Variants in PELI1 observed in about 807,000 individuals in gnomAD.
The protein encoded by PELI1 is E3 ubiquitin-protein ligase pellino homolog 1.
Under a neutral mutation model 41.3 loss-of-function variants are expected in PELI1, and 15 were observed. The observed-to-expected ratio is 0.36, with a 90% CI of 0.24 to 0.56. The LOEUF is 0.56. Among genes scored for constraint, PELI1 ranks in the 20% least tolerant of loss-of-function variants. The pLI is 0.82. For missense variants in PELI1, 403 were observed against 525.5 expected, an observed-to-expected ratio of 0.77 and a Z score of 2.28; for synonymous variants, 178 against 180.1, an observed-to-expected ratio of 0.99 and a Z score of 0.09.
chr2:64,110,787 C>T (rs531369220), intron 1 of PELI1, among the ~76,000 whole-genome samples: 5 of 152,052 alleles, frequency 3.3e-5, no homozygotes, highest in South Asian at 2.1e-4. Flanking sequence ...ATTAGCAGGG[C>T]GTGGTGGCAC....
chr2:64,114,413 A>G (rs1680922522), intron 1 of PELI1, among the ~76,000 whole-genome samples: 2 of 152,182 alleles, frequency 1.3e-5, no homozygotes, highest in Non-Finnish European at 2.9e-5. Flanking sequence ...ACATAAAAGG[A>G]GAAATAATGG....
intron 2 of PELI1, among the ~76,000 whole-genome samples, chr2:64,106,556 T>C (rs1576077154): frequency 6.6e-6 from 1 of 152,370 alleles, no homozygotes; most frequent in East Asian, 1.9e-4. Context: ...GAAGTTCTAA[T>C]ACTGTAGTTA....
chr2:64,120,166 A>G (rs1681160151), intron 1 of PELI1, among the ~76,000 whole-genome samples: 1 of 152,216 alleles, frequency 6.6e-6, no homozygotes, highest in Non-Finnish European at 1.5e-5. Flanking sequence ...GGGATTGGAC[A>G]AGCTTAATCA....
chr2:64,143,722 C>T (rs1350744948), intron 1 of PELI1, among the ~76,000 whole-genome samples: 1 of 152,162 alleles, frequency 6.6e-6, no homozygotes, highest in Non-Finnish European at 1.5e-5. Flanking sequence ...AAACCCACCG[C>T]CCCTTTTGTT....
Position 64,108,383 on chromosome 2 carries a change from G to T in PELI1, c.-69-4C>A. The T allele has an allele frequency of 1.2e-6, 1 of 857,492 alleles. No homozygotes were observed. 53.1% of individuals were successfully genotyped at this position (857,492 alleles called of 1,614,324 possible). On this transcript the variant is annotated splice_polypyrimidine_tract_variant and splice_region_variant and intron_variant, in intron 1 of 6. Transcript: ENST00000358912. ...GGGACACCTTTTGCATTATTTCCTA[G>T]AGGGGAAAAGTTTTCATTAATAATG...
intron 1 of PELI1, among the ~76,000 whole-genome samples, chr2:64,126,931 TAAATA>T (rs1321489036): frequency 2.0e-5 from 3 of 152,162 alleles, no homozygotes; most frequent in Non-Finnish European, 2.9e-5. Context: ...GGTTAGGAGA[TAAATA>T]AAAAGTAAGT....
At chr2:64,109,918 CAT>C (rs1165201680) in intron 1 of PELI1, among the ~76,000 whole-genome samples, 1 of 152,034 alleles carries the variant, frequency 6.6e-6, no homozygotes, top group Non-Finnish European at 1.5e-5. Flanking sequence ...ACTGGACACA[CAT>C]GTCAAAAAGA....
intron 3 of PELI1, among the ~76,000 whole-genome samples, chr2:64,102,491 G>A (rs1680477926): frequency 6.6e-6 from 1 of 152,168 alleles, no homozygotes; most frequent in African/African-American, 2.4e-5. Context: ...TCCTGCCTCT[G>A]CCTCCCAAGG....
chr2:64,107,410 G>A (rs979663626), intron 2 of PELI1, among the ~76,000 whole-genome samples: 6 of 152,160 alleles, frequency 3.9e-5, no homozygotes, highest in Non-Finnish European at 5.9e-5. Flanking sequence ...ATGAAATTAC[G>A]TTAGGAGCTA....
rs1680388780 is a variant in PELI1 at position 64,100,469 on chromosome 2, A to G, written c.232T>C (p.Ser78Pro). The change falls in exon 4 of 7, where the codon TCA (serine) becomes CCA (proline). Residue 78 changes from serine to proline, a missense_variant. Ser to Pro is a moderately conservative substitution (Grantham distance 74, BLOSUM62 -1). Coordinates refer to ENST00000358912, the MANE Select transcript of PELI1 (RefSeq NM_020651.4). Reference sequence around the variant, plus strand: ...GTCTGGGCCCGAGATAAAGTATATGATATGCTATGCTGGTCTTTGTTGCTT... The same window carrying G: ...GTCTGGGCCCGAGATAAAGTATATGGTATGCTATGCTGGTCTTTGTTGCTT... ...AISNKDQHSI[S>P]YTLSRAQTVV... is the part of the protein sequence containing the mutation. 6.3e-7 allele frequency: 1 copy of G among 1,585,882 alleles called. No homozygotes were observed.
At chr2:64,107,298 T>G (rs909081832) in intron 2 of PELI1, among the ~76,000 whole-genome samples, 2 of 152,200 alleles carry the variant, frequency 1.3e-5, no homozygotes, top group Non-Finnish European at 2.9e-5. Context: ...GTCTCCATTT[T>G]GATAGTTAAT....
At chr2:64,095,529 T>C (rs1317154033) in intron 6 of PELI1, among the ~76,000 whole-genome samples, 4 of 152,224 alleles carry the variant, frequency 2.6e-5, no homozygotes, top group Admixed American at 2.0e-4. Flanking sequence ...AAGTCTAATA[T>C]TTTTAATGAG....
chr2:64,124,999 C>T (rs746219902), intron 1 of PELI1, among the ~76,000 whole-genome samples: 3 of 142,916 alleles, frequency 2.1e-5, no homozygotes, highest in Non-Finnish European at 4.5e-5. Context: ...CAAGAAAACA[C>T]TTCTTTTATG....
intron 1 of PELI1, among the ~76,000 whole-genome samples, chr2:64,139,974 A>G (rs974248483): frequency 2.0e-5 from 3 of 152,186 alleles, no homozygotes; most frequent in African/African-American, 7.2e-5. Flanking sequence ...TGCACCTTGT[A>G]TGTTGAAATT....
rs1261845927 is a variant in PELI1 at position 64,093,804 on chromosome 2, A to G, written c.*898T>C. 1 of 152,596 alleles carries G rather than the reference A, an allele frequency of 6.6e-6. No individual in the cohort carries two copies. The highest frequency in any genetic ancestry group is 1.5e-5 in the Non-Finnish European group (1 of 68,016). 9.5% of individuals were successfully genotyped at this position (152,596 alleles called of 1,614,324 possible). ...ATTTATACTTTTTCTTATGGCAATG[A>G]TTTTTTTCTAGAAACAGTGAACAGA... On this transcript the variant is annotated 3_prime_UTR_variant, in exon 7 of 7. Coordinates refer to ENST00000358912, the MANE Select transcript of PELI1 (RefSeq NM_020651.4).
intron 2 of PELI1, among the ~76,000 whole-genome samples, chr2:64,106,732 C>T (rs1680634011): frequency 6.6e-6 from 1 of 152,164 alleles, no homozygotes; most frequent in African/African-American, 2.4e-5. Flanking sequence ...GCTGAACAAG[C>T]ACCGGATTCT....
At chr2:64,103,777 A>G (rs911417222) in intron 3 of PELI1, among the ~76,000 whole-genome samples, 4 of 152,206 alleles carry the variant, frequency 2.6e-5, no homozygotes, top group Admixed American at 2.6e-4. Context: ...TTGTTTATTT[A>G]ATTTACAAAG....
intron 1 of PELI1, chr2:64,143,555 G>C (rs368727196): frequency 1.3e-5 from 2 of 152,104 alleles, no homozygotes; most frequent in Non-Finnish European, 2.9e-5. Context: ...AAATTAATTA[G>C]CGTGTTTAAA....
rs6761307 is a variant in PELI1 at position 64,093,230 on chromosome 2, G to C, written c.*1472C>G. On this transcript the variant is annotated 3_prime_UTR_variant, in exon 7 of 7. Transcript: ENST00000358912. ...TTTTTAAAAACCAAAAGAAAATTCA[G>C]AACAGTTTTGTAATAGGATAAATTA... The C allele has an allele frequency of 4.2e-3, 639 of 152,628 alleles. 5 individuals carry two copies. The highest frequency in any genetic ancestry group is 0.014 in the African/African-American group (595 of 41,530). The allele number at this position is 152,628 out of a possible 1,614,324, so 9.5% of individuals were successfully genotyped here. A position where few individuals can be genotyped will look rare whatever the true frequency, so the allele number is the denominator to read the frequency against.
Sources: gnomAD v4.1 joint callset for allele counts (sites outside exome capture counted in the v4.1 genomes callset) on GRCh38, gnomAD v4.1.1 for gene constraint, MANE v1.5 for transcripts, NCBI Gene and HGNC (gene_info 2026-07-23, HGNC 2026-07-21) for gene names.